Variants in DEK observed in about 807,000 individuals in gnomAD.
DEK encodes protein DEK.
A neutral mutation model predicts 46.8 loss-of-function variants in DEK; 28 were observed. That is an observed-to-expected ratio of 0.60 (90% confidence interval 0.44 to 0.82). The LOEUF is 0.82. Among genes scored for constraint, DEK ranks in the 40% least tolerant of loss-of-function variants. The pLI is 0.00. For missense variants in DEK, 416 were observed against 430.6 expected, an observed-to-expected ratio of 0.97 and a Z score of 0.30; for synonymous variants, 160 against 144.5, an observed-to-expected ratio of 1.11 and a Z score of -0.77.
chr6:18,249,911 T>C, intron 6 of DEK, 72 bp from the exon 7 acceptor site: 12 of 1,478,264 alleles, frequency 8.1e-6, no homozygotes, highest in Non-Finnish European at 1.1e-5. Context: ...TGAAAACTTA[T>C]CAACTCAATT....
intron 9 of DEK, among the ~76,000 whole-genome samples, chr6:18,229,597 C>A (rs1309264890): frequency 6.6e-6 from 1 of 152,086 alleles, no homozygotes; most frequent in Non-Finnish European, 1.5e-5. Context: ...GCTTCAGTAG[C>A]CGATTCGATC....
At chr6:18,240,297 A>C (rs1790844551) in intron 7 of DEK, among the ~76,000 whole-genome samples, 2 of 152,238 alleles carry the variant, frequency 1.3e-5, no homozygotes, top group African/African-American at 4.8e-5. Flanking sequence ...GTTTTTCTAA[A>C]CGGACAACCA....
At chr6:18,253,568 G>T (rs568063337) in intron 6 of DEK, among the ~76,000 whole-genome samples, 1 of 152,050 alleles carries the variant, frequency 6.6e-6, no homozygotes, top group Non-Finnish European at 1.5e-5. Flanking sequence ...TAATTAACCT[G>T]GTTTCAGACC....
chr6:18,227,386 T>C (rs912818737), intron 9 of DEK, among the ~76,000 whole-genome samples: 1 of 152,242 alleles, frequency 6.6e-6, no homozygotes, highest in African/African-American at 2.4e-5. Flanking sequence ...TGTGTATGCA[T>C]ATCTAAAGCA....
At chr6:18,226,353 C>A in intron 9 of DEK, 111 bp from the exon 10 acceptor site, 1 of 889,714 alleles carries the variant, frequency 1.1e-6, no homozygotes, top group Non-Finnish European at 1.6e-6. Flanking sequence ...CACAACCATC[C>A]CAACAGTACT....
chr6:18,258,245 C>A, intron 3 of DEK, 59 bp downstream of exon 3: 1 of 1,440,002 alleles, frequency 6.9e-7, no homozygotes, highest in Non-Finnish European at 9.6e-7. Flanking sequence ...TACAAACCAT[C>A]ATTTTCACAA....
intron 9 of DEK, among the ~76,000 whole-genome samples, chr6:18,235,565 T>A (rs747473011): frequency 6.6e-6 from 1 of 152,202 alleles, no homozygotes; most frequent in South Asian, 2.1e-4. Context: ...TTTTAATTAC[T>A]AAAATATTTA....
At chr6:18,248,498 C>T (rs932233193) in intron 7 of DEK, among the ~76,000 whole-genome samples, 1 of 152,114 alleles carries the variant, frequency 6.6e-6, no homozygotes, top group Admixed American at 6.6e-5. Context: ...CCTTAATGCT[C>T]AGATTACTTA....
intron 8 of DEK, 194 bp downstream of exon 8, chr6:18,237,177 CTCTCTCTCTA>C (rs1447495854): frequency 5.1e-6 from 2 of 395,076 alleles, no homozygotes; most frequent in African/African-American, 4.2e-5. Flanking sequence ...CTCTCTCTGT[CTCTCTCTCTA>C]TATATATATA....
At chr6:18,241,749 T>C (rs1790901917) in intron 7 of DEK, among the ~76,000 whole-genome samples, 4 of 152,264 alleles carry the variant, frequency 2.6e-5, no homozygotes, top group South Asian at 2.1e-4. Flanking sequence ...CTTTGTTGCA[T>C]ATTCATTTTT....
intron 2 of DEK, among the ~76,000 whole-genome samples, chr6:18,260,676 G>A (rs1791817663): frequency 1.3e-5 from 2 of 152,070 alleles, no homozygotes; most frequent in South Asian, 4.1e-4. Flanking sequence ...CTGGGCAGAA[G>A]CCTCCTGCAG....
chr6:18,245,506 T>G (rs368669807), intron 7 of DEK, among the ~76,000 whole-genome samples: 125 of 151,518 alleles, frequency 8.2e-4, no homozygotes, highest in African/African-American at 2.9e-3. Context: ...CTCCACAGTT[T>G]GTTTCATACT....
chr6:18,236,918 A>G (rs1582264165), intron 8 of DEK: 2 of 205,086 alleles, frequency 9.8e-6, no homozygotes, highest in East Asian at 2.7e-4. Context: ...ACCTCGTGTG[A>G]CGGGTCGCAG....
At chr6:18,242,223 C>T (rs1275019789) in intron 7 of DEK, among the ~76,000 whole-genome samples, 1 of 152,166 alleles carries the variant, frequency 6.6e-6, no homozygotes, top group Non-Finnish European at 1.5e-5. Flanking sequence ...ATTAGTCAGG[C>T]GTGGTGGCAT....
chr6:18,231,013 ACT>A (rs1222381243), intron 9 of DEK, among the ~76,000 whole-genome samples: 2 of 146,996 alleles, frequency 1.4e-5, no homozygotes, highest in East Asian at 2.1e-4. Context: ...ATTTTAACAA[ACT>A]CTCTCTCAGA....
At chr6:18,251,564 T>C (rs975684564) in intron 6 of DEK, among the ~76,000 whole-genome samples, 2 of 152,206 alleles carry the variant, frequency 1.3e-5, no homozygotes, top group East Asian at 3.8e-4. Context: ...ATCAAAGACA[T>C]TTCTCAGAGA....
chr6:18,264,380 C>G lies in DEK; in HGVS notation c.-10+5G>C. The G allele has an allele frequency of 4.5e-6, 1 of 220,204 alleles. No individual in the cohort carries two copies. Among genetic ancestry groups the G allele is most frequent in the East Asian group, 1.7e-4 (1 of 5,988 alleles). 13.6% of individuals were successfully genotyped at this position (220,204 alleles called of 1,614,324 possible). On this transcript the variant is annotated splice_donor_5th_base_variant and intron_variant, in intron 1 of 10. Coordinates refer to ENST00000652689, the MANE Select transcript of DEK (RefSeq NM_003472.4). ...GGGCCTCCGGCGTCCCGAAGCAGCC[C>G]TTACCGCGGATTTCGGCCGCCGCGG...
chr6:18,257,204 A>G (rs1323332139), intron 4 of DEK, among the ~76,000 whole-genome samples: 1 of 152,220 alleles, frequency 6.6e-6, no homozygotes, highest in Admixed American at 6.5e-5. Flanking sequence ...TTTGTATGAG[A>G]TACAAATGAT....
rs150690093 is a variant in DEK, at chr6:18,257,938, G to A, written c.357+15C>T. On this transcript the variant is annotated intron_variant, in intron 4 of 10. Transcript: ENST00000652689. Reference sequence around the variant, plus strand: ...AGTAATATACAAGTAGGTTTAAAGTGTAAAAAGGTCTTACAGTGCCTGGCC... The same window carrying A: ...AGTAATATACAAGTAGGTTTAAAGTATAAAAAGGTCTTACAGTGCCTGGCC... The A allele has an allele frequency of 0.016, 25,346 of 1,564,014 alleles. 269 individuals are homozygous for A. Among genetic ancestry groups the A allele is most frequent in the South Asian group, 0.018 (1,493 of 83,930 alleles).
Sources: allele counts gnomAD v4.1 joint callset (sites outside exome capture counted in the v4.1 genomes callset), GRCh38; gene constraint gnomAD v4.1.1; transcripts MANE v1.5; gene names NCBI Gene and HGNC (gene_info 2026-07-23, HGNC 2026-07-21).